The following WNK3 variants were observed in gnomAD, a reference collection of about 807,000 sequenced individuals.
The protein encoded by WNK3 is WNK lysine deficient protein kinase 3.
A neutral mutation model predicts 116.7 loss-of-function variants in WNK3; 18 were observed. That is an observed-to-expected ratio of 0.15 (90% CI 0.11 to 0.23). The LOEUF is 0.23. Ranked by LOEUF, WNK3 falls within the 10% of genes least tolerant of loss-of-function variation. WNK3 has a pLI of 1.00. For missense variants in WNK3, 993 were observed against 1,323.8 expected (o/e 0.75, Z 3.88); for synonymous variants, 404 against 469.4 (o/e 0.86, Z 1.80).
chrX:54,207,289 C>T (rs2067563639), intron 22 of WNK3, among the ~76,000 whole-genome samples: 1 of 110,987 alleles, frequency 9.0e-6, no homozygotes, highest in Non-Finnish European at 1.9e-5. Context: ...TTATCTTACA[C>T]TAAACACTAA....
At chrX:54,269,998 A>C (rs1557158856) in intron 10 of WNK3, among the ~76,000 whole-genome samples, 1 of 112,022 alleles carries the variant, frequency 8.9e-6, no homozygotes, top group Non-Finnish European at 1.9e-5. Flanking sequence ...GAAAAACTAC[A>C]AAAGTTTTGT....
chrX:54,207,705 G>T (rs1448777318), intron 22 of WNK3, among the ~76,000 whole-genome samples: 1 of 108,296 alleles, frequency 9.2e-6, no homozygotes, highest in East Asian at 2.9e-4. Flanking sequence ...GTAGAGATGG[G>T]GTATCACCAT....
At chrX:54,299,368 AT>A (rs1557167009) in intron 6 of WNK3, among the ~76,000 whole-genome samples, 6 of 111,031 alleles carry the variant, frequency 5.4e-5, no homozygotes, top group Non-Finnish European at 1.1e-4. Flanking sequence ...CCATCATTCC[AT>A]ACAAAGTTGA....
intron 11 of WNK3, among the ~76,000 whole-genome samples, chrX:54,258,627 C>T (rs1200844423): frequency 8.2e-5 from 9 of 110,233 alleles, no homozygotes; most frequent in African/African-American, 2.0e-4. Flanking sequence ...AGCCACTGCA[C>T]CCGGCCTCTA....
rs1557149377 is a variant in WNK3, at chrX:54,233,025, A to G, written c.4629-5T>C. 2 of 1,192,553 alleles carry G rather than the reference A, an allele frequency of 1.7e-6. No individual in the cohort carries two copies. Among genetic ancestry groups the G allele is most frequent in the East Asian group, 5.9e-5 (2 of 33,682 alleles). ...TTTACCACCTCCTGAATGTGTCTGA[A>G]TGAAAATCATGCAAAAAGCATTTTA... On this transcript the variant is annotated splice_region_variant and splice_polypyrimidine_tract_variant and intron_variant, in intron 20 of 23. Coordinates refer to ENST00000354646, the Ensembl canonical transcript of WNK3.
At chrX:54,349,261 C>T (rs1386087107) in intron 1 of WNK3, among the ~76,000 whole-genome samples, 1 of 112,004 alleles carries the variant, frequency 8.9e-6, no homozygotes, top group Non-Finnish European at 1.9e-5. Context: ...TTGCTTGAAC[C>T]AGGGAGGCGG....
intron 2 of WNK3, among the ~76,000 whole-genome samples, chrX:54,316,333 G>A (rs1414945408): frequency 9.1e-6 from 1 of 109,789 alleles, no homozygotes; most frequent in Non-Finnish European, 1.9e-5. Flanking sequence ...GAGGTCAGGA[G>A]ATCAAGACCA....
intron 1 of WNK3, among the ~76,000 whole-genome samples, chrX:54,346,279 C>CAAAAAAAAAAAAAAA (rs150788845): frequency 3.3e-5 from 1 of 30,356 alleles, no homozygotes; most frequent in Non-Finnish European, 5.1e-5. Flanking sequence ...GCTGATCAGC[C>CAAAAAAAAAAAAAAA]AAAAAAAAAA....
At chrX:54,193,680 A>G (rs921141578) in exon 24 of WNK3, 1 of 111,438 alleles carries the variant, frequency 9.0e-6, no homozygotes, top group African/African-American at 3.3e-5. Flanking sequence ...TCTTTCACAT[A>G]CAAAGACTAT....
At chrX:54,297,530 T>G (rs781943336) in intron 7 of WNK3, among the ~76,000 whole-genome samples, 1 of 107,680 alleles carries the variant, frequency 9.3e-6, no homozygotes, top group Admixed American at 1.0e-4. Flanking sequence ...TGAGCCGAGA[T>G]TGTGCCACTG....
chrX:54,252,442 G>C (rs1229432736), intron 13 of WNK3, among the ~76,000 whole-genome samples: 1 of 111,010 alleles, frequency 9.0e-6, no homozygotes, highest in African/African-American at 3.3e-5. Flanking sequence ...GGCTGAAGTG[G>C]GTGAATCACC....
intron 17 of WNK3, among the ~76,000 whole-genome samples, chrX:54,241,155 C>T (rs1375302311): frequency 3.6e-5 from 4 of 111,592 alleles, no homozygotes; most frequent in African/African-American, 1.3e-4. Flanking sequence ...AGGAAGGAGA[C>T]GACATCCAGG....
chrX:54,250,273 C>T, intron 15 of WNK3, 142 bp from the exon 16 acceptor site: 1 of 568,382 alleles, frequency 1.8e-6, no homozygotes, highest in East Asian at 4.0e-5. Context: ...ATTGATAAGA[C>T]CAGCCCTTTT....
exon 16 of WNK3, chrX:54,250,062 C>T (rs781802911): frequency 3.3e-6 from 4 of 1,202,070 alleles, no homozygotes; most frequent in South Asian, 1.8e-5. Flanking sequence ...CTGAGTCTCA[C>T]GGTTTCTTAT....
chrX:54,257,789 CAAAAA>C (rs60655785), intron 11 of WNK3, among the ~76,000 whole-genome samples: 6 of 15,658 alleles, frequency 3.8e-4, no homozygotes, highest in Admixed American at 6.2e-4. Context: ...GACTCTGCCT[CAAAAA>C]AAAAAAAAAA....
intron 3 of WNK3, among the ~76,000 whole-genome samples, chrX:54,310,152 A>G (rs2068870316): frequency 9.2e-6 from 1 of 108,802 alleles, no homozygotes; most frequent in Non-Finnish European, 1.9e-5. Context: ...ATATAATACT[A>G]TAATAATATA....
Position 54,333,691 on chromosome X carries a change from C to T in WNK3, c.-18G>A. ...GTGGCCATTGTAATTAAAGTTGGCA[C>T]TAAAATTTTTCCTGTTTCTACTCTT... On this transcript the variant is annotated 5_prime_UTR_variant, in exon 2 of 24. The change creates a new upstream start codon in the 5' untranslated region. Transcript: ENST00000354646. 8.5e-7 allele frequency: 1 copy of T among 1,172,328 alleles called. No individual in the cohort carries two copies. The highest frequency in any genetic ancestry group is 3.0e-5 in the East Asian group (1 of 33,609).
intron 17 of WNK3, 58 bp from the exon 18 acceptor site, chrX:54,239,157 ACCGAG>A: frequency 1.2e-4 from 92 of 753,105 alleles, no homozygotes; most frequent in South Asian, 1.8e-4. Flanking sequence ...AAACAAAACA[ACCGAG>A]AAAAACCAAA....
intron 1 of WNK3, among the ~76,000 whole-genome samples, chrX:54,338,310 T>G (rs782191792): frequency 2.3e-4 from 25 of 110,201 alleles, no homozygotes; most frequent in African/African-American, 7.3e-4. Context: ...TAATCCCAGC[T>G]ACTTGGGAGG....
Sources: gnomAD v4.1 joint callset for allele counts (sites outside exome capture counted in the v4.1 genomes callset) on GRCh38, gnomAD v4.1.1 for gene constraint, MANE v1.5 for transcripts, NCBI Gene and HGNC (gene_info 2026-07-23, HGNC 2026-07-21) for gene names.